Variants in DOCK1 observed in about 807,000 individuals in gnomAD.
DOCK1 encodes the protein dedicator of cytokinesis protein 1.
In DOCK1, 138 loss-of-function variants were observed where a neutral mutation model predicts 262.7. The observed-to-expected ratio is 0.53, with a 90% CI of 0.46 to 0.61. DOCK1 has a LOEUF of 0.61. Ranked by LOEUF, DOCK1 falls within the 20% of genes least tolerant of loss-of-function variation. DOCK1 has a pLI of 0.00. For missense variants in DOCK1, 1,908 were observed against 2,370.7 expected, an observed-to-expected ratio of 0.80 and a Z score of 4.05; for synonymous variants, 866 against 867.4, an observed-to-expected ratio of 1.00 and a Z score of 0.03.
At chr10:126,978,500 A>G (rs763547011) in intron 3 of DOCK1, among the ~76,000 whole-genome samples, 3 of 152,168 alleles carry the variant, frequency 2.0e-5, no homozygotes, top group Non-Finnish European at 4.4e-5. Context: ...TTCTGAAACT[A>G]AGACATGTAA....
intron 27 of DOCK1, among the ~76,000 whole-genome samples, chr10:127,193,792 C>T (rs1203745688): frequency 6.6e-6 from 1 of 151,316 alleles, no homozygotes; most frequent in Admixed American, 6.6e-5. Flanking sequence ...ACAAAAATTC[C>T]CTTTCCTGCC....
chr10:127,087,835 G>T (rs1208915663), intron 23 of DOCK1, among the ~76,000 whole-genome samples: 2 of 152,140 alleles, frequency 1.3e-5, no homozygotes, highest in African/African-American at 4.8e-5. Flanking sequence ...ATTACATGGG[G>T]ACTCTCACCC....
chr10:127,156,176 T>C (rs2053025710), intron 27 of DOCK1, among the ~76,000 whole-genome samples: 1 of 152,172 alleles, frequency 6.6e-6, no homozygotes. Flanking sequence ...ACATCAACAC[T>C]CCTTCCTTGC....
intron 19 of DOCK1, among the ~76,000 whole-genome samples, chr10:127,041,744 C>G (rs1295664062): frequency 2.6e-5 from 4 of 152,166 alleles, no homozygotes; most frequent in African/African-American, 7.2e-5. Context: ...TAAATTGTAG[C>G]CCAGATAGTG....
chr10:127,230,384 C>G (rs117232074), intron 27 of DOCK1, among the ~76,000 whole-genome samples: 3,835 of 152,164 alleles, frequency 0.025, 59 homozygotes, highest in Non-Finnish European at 0.041. Context: ...ATGTTTTCTT[C>G]TAGCAGTTTT....
At chr10:126,984,003 C>T (rs1046323271) in intron 4 of DOCK1, among the ~76,000 whole-genome samples, 3 of 152,200 alleles carry the variant, frequency 2.0e-5, no homozygotes, top group Admixed American at 1.3e-4. Flanking sequence ...CCCCTCTTAA[C>T]GCCGATGCTC....
intron 29 of DOCK1, among the ~76,000 whole-genome samples, chr10:127,288,157 C>G (rs1006083563): frequency 1.3e-5 from 2 of 152,064 alleles, no homozygotes; most frequent in African/African-American, 4.8e-5. Context: ...GTGTCTAAGT[C>G]CGTTGTAGTT....
At chr10:127,130,740 T>A (rs2050272397) in intron 27 of DOCK1, among the ~76,000 whole-genome samples, 1 of 152,194 alleles carries the variant, frequency 6.6e-6, no homozygotes, top group Non-Finnish European at 1.5e-5. Flanking sequence ...CACAGTGCCC[T>A]GCAGACAGAC....
At position 127,052,723 on chromosome 10, in the gene DOCK1, G is replaced by A; in HGVS notation, c.2244G>A (p.Glu748=). The change falls in exon 22 of 52, where the codon GAG becomes GAA. Residue 748 remains glutamate (E), a synonymous_variant. Transcript: ENST00000623213. ...KVLKNYVDGA[E]KPGVNEQLYK... Reference sequence around the variant, plus strand: ...TGAAGAACTACGTGGACGGTGCTGAGAAGCCGGGAGTAAATGAGCAGCTGT... The same window carrying A: ...TGAAGAACTACGTGGACGGTGCTGAAAAGCCGGGAGTAAATGAGCAGCTGT... 1 of 1,613,938 alleles carries A rather than the reference G, an allele frequency of 6.2e-7. No homozygotes were observed. The highest frequency in any genetic ancestry group is 1.3e-5 in the African/African-American group (1 of 75,028).
At chr10:127,429,042 A>ATGTGGATTGGGGTGTCG (rs2069089769) in intron 47 of DOCK1, among the ~76,000 whole-genome samples, 1 of 69,340 alleles carries the variant, frequency 1.4e-5, no homozygotes, top group Non-Finnish European at 2.8e-5. Flanking sequence ...TTGGGGTGTC[A>ATGTGGATTGGGGTGTCG]TGTGGATTGG....
At chr10:127,266,529 A>G (rs916377990) in intron 29 of DOCK1, among the ~76,000 whole-genome samples, 26 of 151,520 alleles carry the variant, frequency 1.7e-4, no homozygotes, top group African/African-American at 1.5e-4. Context: ...TGTACTGACT[A>G]TACATTTTGC....
intron 51 of DOCK1, among the ~76,000 whole-genome samples, chr10:127,449,797 G>A (rs1167173011): frequency 1.3e-5 from 2 of 152,100 alleles, no homozygotes; most frequent in African/African-American, 4.8e-5. Context: ...CAGGCTTGTA[G>A]GCAACTCTGT....
chr10:127,402,695 C>G (rs373518221), intron 38 of DOCK1: 1 of 528,044 alleles, frequency 1.9e-6, no homozygotes, highest in South Asian at 1.4e-5. Flanking sequence ...TCTCTTCACC[C>G]TACGGTTCCT....
rs575086225 is a variant in DOCK1, at chr10:127,360,291, C to T, written c.3284-1773C>T. 2.6e-5 allele frequency among the ~76,000 whole-genome samples: 4 copies of T among 152,250 alleles called. No individual in the cohort carries two copies. In the South Asian group the frequency reaches 6.2e-4, roughly 24 times the overall value. On this transcript the variant is annotated intron_variant, in intron 32 of 51. Coordinates refer to ENST00000623213, the MANE Select transcript of DOCK1 (RefSeq NM_001290223.2). ...AGCTCACCCTGATCCTCAGGAGTAC[C>T]GCAGCCACGCACCCACAGGATATGG...
At chr10:127,236,372 T>C (rs929568122) in intron 27 of DOCK1, among the ~76,000 whole-genome samples, 1 of 134,240 alleles carries the variant, frequency 7.4e-6, no homozygotes, top group African/African-American at 2.8e-5. Flanking sequence ...CCTCCCTCCT[T>C]TGCTCCCTCC....
intron 22 of DOCK1, among the ~76,000 whole-genome samples, chr10:127,058,123 C>T (rs1480742303): frequency 6.6e-6 from 1 of 151,190 alleles, no homozygotes; most frequent in Non-Finnish European, 1.5e-5. Flanking sequence ...AGGATCACGG[C>T]AAAATGCTAT....
intron 1 of DOCK1, among the ~76,000 whole-genome samples, chr10:126,911,629 C>G (rs2031776975): frequency 6.6e-6 from 1 of 152,136 alleles, no homozygotes; most frequent in Admixed American, 6.5e-5. Context: ...TTAGCCCTGA[C>G]AAGGCCACTG....
chr10:127,098,205 T>C (rs147791838), intron 23 of DOCK1, among the ~76,000 whole-genome samples: 1 of 152,298 alleles, frequency 6.6e-6, no homozygotes, highest in East Asian at 1.9e-4. Flanking sequence ...CTTCACTGAT[T>C]TACAAAAATA....
intron 17 of DOCK1, 43 bp from the exon 18 acceptor site, chr10:127,032,094 G>A (rs1037369322): frequency 1.9e-6 from 3 of 1,559,020 alleles, no homozygotes; most frequent in African/African-American, 2.7e-5. Flanking sequence ...GTGTGTTGCT[G>A]TTTGTGAATT....
Sources: gnomAD v4.1 joint callset for allele counts (sites outside exome capture counted in the v4.1 genomes callset) on GRCh38, gnomAD v4.1.1 for gene constraint, MANE v1.5 for transcripts, NCBI Gene and HGNC (gene_info 2026-07-23, HGNC 2026-07-21) for gene names.